TTC39B: variants seen among roughly 807,000 people sequenced by gnomAD.
TTC39B encodes the protein tetratricopeptide repeat protein 39B.
A neutral mutation model predicts 96.6 loss-of-function variants in TTC39B; 92 were observed. The observed-to-expected ratio is 0.95, with a 90% CI of 0.80 to 1.13. TTC39B has a LOEUF of 1.13. Among genes scored for constraint, TTC39B ranks in the 50% most tolerant of loss-of-function variants. TTC39B has a pLI of 0.00. For missense variants in TTC39B, 955 were observed against 809.3 expected, an observed-to-expected ratio of 1.18 and a Z score of -2.18; for synonymous variants, 367 against 299.4, an observed-to-expected ratio of 1.23 and a Z score of -2.33.
intron 11 of TTC39B, among the ~76,000 whole-genome samples, chr9:15,190,148 T>A (rs1456143432): frequency 6.6e-6 from 1 of 152,156 alleles, no homozygotes; most frequent in Admixed American, 6.5e-5. Flanking sequence ...AAATTTTAGC[T>A]GAGAACAGAT....
chr9:15,234,472 G>A (rs569945546), intron 2 of TTC39B, among the ~76,000 whole-genome samples: 66 of 110,790 alleles, frequency 6.0e-4, no homozygotes, highest in South Asian at 9.1e-4. Flanking sequence ...CTGCCCGGCC[G>A]CCCCTGCTGG....
At chr9:15,228,026 T>C (rs981796836) in intron 2 of TTC39B, among the ~76,000 whole-genome samples, 14 of 152,206 alleles carry the variant, frequency 9.2e-5, no homozygotes, top group African/African-American at 3.4e-4. Context: ...TGTGTAATTT[T>C]TTCCCTAATC....
chr9:15,208,514 T>TGGG (rs1046748645), intron 6 of TTC39B, among the ~76,000 whole-genome samples: 1 of 152,192 alleles, frequency 6.6e-6, no homozygotes, highest in African/African-American at 2.4e-5. Flanking sequence ...CAATTTCTTT[T>TGGG]GGGCCTATTT....
intron 2 of TTC39B, among the ~76,000 whole-genome samples, chr9:15,226,943 C>A (rs535327573): frequency 6.6e-6 from 1 of 152,054 alleles, no homozygotes; most frequent in Non-Finnish European, 1.5e-5. Context: ...GAGGTAAAGT[C>A]ATTAAAAAAA....
At chr9:15,222,290 A>C (rs1250545347) in intron 3 of TTC39B, among the ~76,000 whole-genome samples, 1 of 152,318 alleles carries the variant, frequency 6.6e-6, no homozygotes, top group Non-Finnish European at 1.5e-5. Context: ...TTGTGGTAAA[A>C]TACACATAGC....
rs759185508 is a variant in TTC39B at position 15,214,125 on chromosome 9, A to G, written c.482+14T>C. On this transcript the variant is annotated intron_variant, in intron 4 of 19. Coordinates refer to ENST00000512701, the Ensembl canonical transcript of TTC39B. ...CTGAAAGATATTTTATCTAAAAGAG[A>G]CAAAGTAAATTACCAGGGGCGAAGC... The G allele has an allele frequency of 7.6e-6, 12 of 1,581,274 alleles. No homozygotes were observed. Among genetic ancestry groups the G allele is most frequent in the Non-Finnish European group, 1.0e-5 (12 of 1,151,966 alleles).
chr9:15,211,585 C>A (rs993352471), intron 4 of TTC39B, among the ~76,000 whole-genome samples, 188 bp from the exon 5 acceptor site: 3 of 152,144 alleles, frequency 2.0e-5, no homozygotes, highest in Non-Finnish European at 4.4e-5. Context: ...AATGTAAACC[C>A]ACACAGGCAG....
rs1357502106 is a variant in TTC39B, at chr9:15,306,080, G to C, written c.240+1004C>G. 6.6e-6 allele frequency among the ~76,000 whole-genome samples: 1 copy of C among 152,126 alleles called. No homozygotes were observed. Among genetic ancestry groups the C allele is most frequent in the Non-Finnish European group, 1.5e-5 (1 of 68,022 alleles). Reference sequence around the variant, plus strand: ...GGAGATTCCTGGCACTAAAGAGATGGACGGGAAACTTAACCGCCTCCTCCA... The same window carrying C: ...GGAGATTCCTGGCACTAAAGAGATGCACGGGAAACTTAACCGCCTCCTCCA... On this transcript the variant is annotated intron_variant, in intron 1 of 19. Transcript: ENST00000512701. The surrounding 1 kb of genome is among the most constrained non-coding windows in gnomAD (Gnocchi z 5.1).
At chr9:15,208,213 C>T (rs144189123) in intron 6 of TTC39B, among the ~76,000 whole-genome samples, 9,249 of 151,236 alleles carry the variant, frequency 0.061, 317 homozygotes, top group Admixed American at 0.07. Context: ...TTAGTAGAGA[C>T]GGGGTTTCAC....
At chr9:15,249,421 T>C (rs542130374) in intron 2 of TTC39B, 1 of 152,754 alleles carries the variant, frequency 6.5e-6, no homozygotes, top group African/African-American at 2.4e-5. Context: ...ACACATGCTA[T>C]TTCTGAGGAC....
At chr9:15,177,850 G>T in intron 17 of TTC39B, 36 bp from the exon 18 acceptor site, 62 of 653,392 alleles carry the variant, frequency 9.5e-5, no homozygotes, top group Non-Finnish European at 1.4e-4. Flanking sequence ...AACACACAAA[G>T]AAAAATACTT....
chr9:15,187,082 A>G (rs766296225), intron 14 of TTC39B, 47 bp from the exon 15 acceptor site: 4 of 1,391,860 alleles, frequency 2.9e-6, no homozygotes, highest in Admixed American at 4.3e-5. Flanking sequence ...TAGGTAAATG[A>G]CATTTCTACC....
At chr9:15,184,171 T>C (rs1440237608) in intron 16 of TTC39B, among the ~76,000 whole-genome samples, 1 of 152,074 alleles carries the variant, frequency 6.6e-6, no homozygotes, top group East Asian at 1.9e-4. Context: ...GAAATGCAAA[T>C]TAAAATGGTA....
At chr9:15,202,682 A>G (rs1373548021) in intron 7 of TTC39B, among the ~76,000 whole-genome samples, 3 of 151,580 alleles carry the variant, frequency 2.0e-5, no homozygotes, top group Non-Finnish European at 4.4e-5. Flanking sequence ...ACTGTACTCC[A>G]GCCTGGGTGA....
chr9:15,301,830 A>G (rs1347483483), intron 1 of TTC39B, among the ~76,000 whole-genome samples: 3 of 152,208 alleles, frequency 2.0e-5, no homozygotes, highest in Admixed American at 2.0e-4. Context: ...TAAACTTCCA[A>G]AGAGAAATTA....
chr9:15,234,451 G>A (rs1166210347), intron 2 of TTC39B, among the ~76,000 whole-genome samples: 11 of 151,378 alleles, frequency 7.3e-5, no homozygotes, highest in African/African-American at 2.2e-4. Context: ...TCTGGGAGGT[G>A]AGGGGCGCCT....
intron 13 of TTC39B, 54 bp downstream of exon 13, chr9:15,189,520 G>C (rs563797860): frequency 2.6e-6 from 4 of 1,559,914 alleles, no homozygotes; most frequent in Non-Finnish European, 3.5e-6. Context: ...AGCGACTCAT[G>C]TAGGAGTCGC....
Position 15,220,664 on chromosome 9 carries a change from GT to G in TTC39B, c.371+5252del, listed in dbSNP as rs995375916. On this transcript the variant is annotated intron_variant, in intron 3 of 19. Transcript: ENST00000512701. Reference sequence around the variant, plus strand: ...CTTCAGACTCAAATGGGGAAGCAGAGTTTTTTTTTTCTTTTCATTTCCAAAT... The same window carrying G: ...CTTCAGACTCAAATGGGGAAGCAGAGTTTTTTTTTCTTTTCATTTCCAAAT... Among the ~76,000 whole-genome samples the G allele has an allele frequency of 2.0e-4, 30 of 150,050 alleles. 1 individual carries two copies. Among genetic ancestry groups the G allele is most frequent in the African/African-American group, 2.4e-4 (10 of 40,968 alleles).
At chr9:15,247,114 A>C (rs957846992) in intron 2 of TTC39B, among the ~76,000 whole-genome samples, 2 of 152,240 alleles carry the variant, frequency 1.3e-5, no homozygotes, top group South Asian at 2.1e-4. Flanking sequence ...CAAAGAGATC[A>C]GAATGGAGAG....
Sources: gnomAD v4.1 joint callset for allele counts (sites outside exome capture counted in the v4.1 genomes callset) on GRCh38, gnomAD v4.1.1 for gene constraint, Gnocchi (gnomAD v3.1) non-coding constraint, MANE v1.5 for transcripts, NCBI Gene and HGNC (gene_info 2026-07-23, HGNC 2026-07-21) for gene names.